Variants in ROBO2 observed in about 807,000 individuals in gnomAD.
The protein encoded by ROBO2 is roundabout homolog 2.
In ROBO2, 53 loss-of-function variants were observed where a neutral mutation model predicts 160.8. The ratio of observed to expected loss-of-function variants is 0.33; its 90% CI spans 0.26 to 0.41. ROBO2 has a LOEUF of 0.41. ROBO2 is among the 10% of genes least tolerant of loss of function. The pLI is 1.00. For synonymous variants in ROBO2, 664 were observed against 611.7 expected, an observed-to-expected ratio of 1.09 and a Z score of -1.26; for missense variants, 1,577 against 1,722.4, an observed-to-expected ratio of 0.92 and a Z score of 1.49.
chr3:77,457,372 C>G (rs1304409894), intron 2 of ROBO2, among the ~76,000 whole-genome samples: 1 of 152,026 alleles, frequency 6.6e-6, no homozygotes, highest in East Asian at 1.9e-4. Flanking sequence ...GGACAAAGCA[C>G]CTAGTGTAAT....
chr3:76,741,999 T>G (rs1034968207), intron 2 of ROBO2, among the ~76,000 whole-genome samples: 2 of 152,072 alleles, frequency 1.3e-5, no homozygotes, highest in African/African-American at 4.8e-5. Flanking sequence ...TCATCCCACA[T>G]AAGTGATAGA....
intron 2 of ROBO2, among the ~76,000 whole-genome samples, chr3:76,436,223 T>A (rs2076676779): frequency 6.6e-6 from 1 of 151,770 alleles, no homozygotes; most frequent in African/African-American, 2.4e-5. Context: ...TATTATACTT[T>A]AAGTTTTAGG....
chr3:76,229,112 A>G (rs1704467381), intron 2 of ROBO2, among the ~76,000 whole-genome samples: 1 of 152,146 alleles, frequency 6.6e-6, no homozygotes, highest in African/African-American at 2.4e-5. Context: ...TTTTTTTTGG[A>G]AAGAAAACCC....
rs138644564 is a variant in ROBO2 at position 76,647,319 on chromosome 3, C to G, written c.110-450695C>G. 1.1e-4 allele frequency among the ~76,000 whole-genome samples: 17 copies of G among 152,226 alleles called. No individual in the cohort carries two copies. In the East Asian group the frequency reaches 2.7e-3, roughly 24 times the overall value. The stretch of plus-strand genomic sequence containing the variant: ...AATGAAGAAGTTCCCAAGAATTGTA[C>G]AGACAAAGCCCTTCCTCCTCTAGCC... On this transcript the variant is annotated intron_variant, in intron 2 of 26. Coordinates refer to the ROBO2 transcript ENST00000487694.
At chr3:76,650,567 G>A (rs569287344) in intron 2 of ROBO2, among the ~76,000 whole-genome samples, 1 of 151,530 alleles carries the variant, frequency 6.6e-6, no homozygotes, top group Non-Finnish European at 1.5e-5. Context: ...TCTGTTTGCT[G>A]ATAATTAACA....
chr3:77,425,544 G>A (rs971147860), intron 2 of ROBO2, among the ~76,000 whole-genome samples: 5 of 152,114 alleles, frequency 3.3e-5, no homozygotes, highest in Non-Finnish European at 5.9e-5. Context: ...TATATGCAGT[G>A]GTACTGCAGT....
chr3:76,526,676 A>G (rs2081965145), intron 2 of ROBO2, among the ~76,000 whole-genome samples: 1 of 152,006 alleles, frequency 6.6e-6, no homozygotes, highest in Non-Finnish European at 1.5e-5. Context: ...TGGTAAAGAT[A>G]TATTTTATTC....
chr3:77,567,057 A>C (rs1309005199), intron 12 of ROBO2, among the ~76,000 whole-genome samples: 1 of 151,950 alleles, frequency 6.6e-6, no homozygotes, highest in African/African-American at 2.4e-5. Flanking sequence ...AAATTAAGTA[A>C]AACTTCATTT....
At chr3:76,641,921 A>G (rs981655066) in intron 2 of ROBO2, among the ~76,000 whole-genome samples, 1 of 151,684 alleles carries the variant, frequency 6.6e-6, no homozygotes, top group Non-Finnish European at 1.5e-5. Context: ...ATTTTATTTT[A>G]TTTTGTAGAG....
intron 2 of ROBO2, among the ~76,000 whole-genome samples, chr3:76,529,101 C>A (rs113864816): frequency 2.3e-4 from 35 of 152,234 alleles, no homozygotes; most frequent in African/African-American, 7.2e-4. Context: ...CTGTTGACAG[C>A]TCTTCTGAAA....
chr3:77,241,800 A>T (rs2089081654), intron 2 of ROBO2, among the ~76,000 whole-genome samples: 1 of 152,172 alleles, frequency 6.6e-6, no homozygotes, highest in East Asian at 1.9e-4. Flanking sequence ...CAATACCAGG[A>T]AGCAAACTAA....
intron 2 of ROBO2, among the ~76,000 whole-genome samples, chr3:76,424,175 C>G (rs2076114406): frequency 6.6e-6 from 1 of 152,118 alleles, no homozygotes; most frequent in Non-Finnish European, 1.5e-5. Flanking sequence ...TGAAAATTTT[C>G]ATATTACCTT....
chr3:76,914,469 T>G (rs74576423), intron 2 of ROBO2, among the ~76,000 whole-genome samples: 1 of 152,082 alleles, frequency 6.6e-6, no homozygotes, highest in Non-Finnish European at 1.5e-5. Context: ...TTTTTTTTTT[T>G]AATTCATGAA....
At chr3:77,285,591 A>T (rs2060531740) in intron 2 of ROBO2, among the ~76,000 whole-genome samples, 1 of 152,150 alleles carries the variant, frequency 6.6e-6, no homozygotes, top group Non-Finnish European at 1.5e-5. Flanking sequence ...AAATCCTATG[A>T]TCTCCACTTT....
At chr3:77,636,908 AATATGTATCCTGAAGTT>A (rs1306192073) in intron 24 of ROBO2, among the ~76,000 whole-genome samples, 3 of 152,212 alleles carry the variant, frequency 2.0e-5, no homozygotes, top group African/African-American at 7.2e-5. Context: ...AATGAATTAA[AATATGTATCCTGAAGTT>A]ATATTCTAAG....
intron 2 of ROBO2, among the ~76,000 whole-genome samples, chr3:77,164,476 G>T (rs2078792742): frequency 7.1e-6 from 1 of 140,058 alleles, no homozygotes; most frequent in Non-Finnish European, 1.6e-5. Flanking sequence ...GTGCTGTCCG[G>T]GAGGGAGGTG....
intron 2 of ROBO2, among the ~76,000 whole-genome samples, chr3:77,027,515 A>C (rs1021066147): frequency 6.6e-6 from 1 of 152,216 alleles, no homozygotes; most frequent in Admixed American, 6.5e-5. Flanking sequence ...TGTAAAACCA[A>C]ATTCTGAGGA....
intron 2 of ROBO2, among the ~76,000 whole-genome samples, chr3:76,454,072 C>A (rs1215811564): frequency 6.6e-6 from 1 of 152,096 alleles, no homozygotes; most frequent in Non-Finnish European, 1.5e-5. Flanking sequence ...TGTCTTTCAG[C>A]AAATTTGGTT....
At chr3:76,020,386 T>G (rs1046494317) in intron 2 of ROBO2, among the ~76,000 whole-genome samples, 3 of 152,044 alleles carry the variant, frequency 2.0e-5, no homozygotes, top group Admixed American at 1.3e-4. Flanking sequence ...TTTGGATTCA[T>G]TACCATCTTA....
Sources: gnomAD v4.1 joint callset for allele counts (sites outside exome capture counted in the v4.1 genomes callset) on GRCh38, gnomAD v4.1.1 for gene constraint, MANE v1.5 for transcripts, NCBI Gene and HGNC (gene_info 2026-07-23, HGNC 2026-07-21) for gene names.